Variants in ATAD2B observed in about 807,000 individuals in gnomAD.
The protein encoded by ATAD2B is ATPase family AAA domain-containing protein 2B.
In ATAD2B, 40 loss-of-function variants were observed where a neutral mutation model predicts 167.6. The ratio of observed to expected loss-of-function variants is 0.24; its 90% CI spans 0.19 to 0.31. The LOEUF is 0.31. ATAD2B is among the 10% of genes least tolerant of loss of function. The pLI, the probability that ATAD2B is intolerant of heterozygous loss-of-function variation, is 1.00. For synonymous variants in ATAD2B, 579 were observed against 596.5 expected, an observed-to-expected ratio of 0.97 and a Z score of 0.43; for missense variants, 1,242 against 1,757.2, an observed-to-expected ratio of 0.71 and a Z score of 5.24.
chr2:23,860,489 A>T (rs1280513260), intron 12 of ATAD2B, among the ~76,000 whole-genome samples: 1 of 152,184 alleles, frequency 6.6e-6, no homozygotes, highest in Non-Finnish European at 1.5e-5. Flanking sequence ...TTTAAGATGA[A>T]TGAATATTAG....
chr2:23,833,810 T>G, intron 14 of ATAD2B, 109 bp downstream of exon 14: 1 of 892,640 alleles, frequency 1.1e-6, no homozygotes, highest in South Asian at 2.2e-5. Flanking sequence ...AAGATATCCT[T>G]AAGCAGAAAA....
intron 17 of ATAD2B, among the ~76,000 whole-genome samples, chr2:23,810,995 G>C (rs919876971): frequency 2.7e-5 from 4 of 150,776 alleles, no homozygotes; most frequent in Non-Finnish European, 4.4e-5. Flanking sequence ...TGGGCAACAA[G>C]AGCAAAACTC....
At chr2:23,691,719 C>T in the ATAD2B span, 13 of 1,551,670 alleles carry the variant, frequency 8.4e-6, no homozygotes, top group Middle Eastern at 3.3e-4. Flanking sequence ...AGCTGGAGCT[C>T]GTCCTGTCGA....
chr2:23,833,616 A>C (rs1436580241), intron 14 of ATAD2B, among the ~76,000 whole-genome samples: 4 of 152,206 alleles, frequency 2.6e-5, no homozygotes, highest in Non-Finnish European at 5.9e-5. Context: ...TACTTTGGCT[A>C]ACTAGGGACA....
chr2:23,711,795 A>C, the ATAD2B span, among the ~76,000 whole-genome samples: 7 of 152,346 alleles, frequency 4.6e-5, no homozygotes, highest in African/African-American at 1.7e-4. Context: ...CAAATAAAAA[A>C]TATGCTGCCA....
chr2:23,826,709 T>C (rs1217204903), intron 15 of ATAD2B, among the ~76,000 whole-genome samples: 1 of 152,192 alleles, frequency 6.6e-6, no homozygotes. Context: ...ACTCTTTCAT[T>C]GTTTTAGCCC....
chr2:23,884,698 C>T (rs529083631), intron 6 of ATAD2B, 67 bp downstream of exon 6: 7 of 831,326 alleles, frequency 8.4e-6, no homozygotes, highest in African/African-American at 3.5e-5. Flanking sequence ...ACATATATTA[C>T]TTGTATATTT....
chr2:23,694,093 A>G, the ATAD2B span, among the ~76,000 whole-genome samples: 2 of 151,910 alleles, frequency 1.3e-5, no homozygotes, highest in Non-Finnish European at 2.9e-5. Context: ...AGTCCCTATG[A>G]CTCCCAGATC....
At chr2:23,696,497 G>A in the ATAD2B span, 19 of 1,531,478 alleles carry the variant, frequency 1.2e-5, no homozygotes, top group African/African-American at 2.7e-5. This position sits in a 1 kb window ranked among gnomAD's most constrained non-coding sequence, Gnocchi z 5.5. Context: ...GGCAGGCAAC[G>A]TGGACCACGT....
chr2:23,806,061 T>C (rs1684344749), intron 18 of ATAD2B: 1 of 152,202 alleles, frequency 6.6e-6, no homozygotes, highest in South Asian at 2.1e-4. Context: ...CTTTTTGCCA[T>C]GTGCAATTTA....
the ATAD2B span, chr2:23,696,051 G>A: frequency 1.9e-6 from 3 of 1,551,800 alleles, no homozygotes; most frequent in Non-Finnish European, 1.7e-6. This position sits in a 1 kb window ranked among gnomAD's most constrained non-coding sequence, Gnocchi z 5.5. Flanking sequence ...AGAACAACAA[G>A]TGGTACCCCT....
the ATAD2B span, among the ~76,000 whole-genome samples, chr2:23,686,865 C>G: frequency 6.6e-6 from 1 of 152,150 alleles, no homozygotes; most frequent in African/African-American, 2.4e-5. Context: ...GCCCAGGGTG[C>G]CCTGTGGCTG....
At chr2:23,845,347 G>A (rs1416661602) in intron 13 of ATAD2B, among the ~76,000 whole-genome samples, 1 of 151,986 alleles carries the variant, frequency 6.6e-6, no homozygotes, top group East Asian at 1.9e-4. Flanking sequence ...CATACAATAA[G>A]AATACTGTTC....
At chr2:23,840,445 C>T (rs1482295881) in intron 13 of ATAD2B, among the ~76,000 whole-genome samples, 2 of 152,072 alleles carry the variant, frequency 1.3e-5, no homozygotes, top group African/African-American at 2.4e-5. Flanking sequence ...TTGATTTCTA[C>T]TATATCTTTG....
chr2:23,775,534 A>G (rs897591723), intron 22 of ATAD2B, among the ~76,000 whole-genome samples: 3 of 152,180 alleles, frequency 2.0e-5, no homozygotes, highest in African/African-American at 4.8e-5. Context: ...TTTTAAAACG[A>G]TATGTGATTT....
At chr2:23,693,746 C>T in the ATAD2B span, among the ~76,000 whole-genome samples, 2 of 152,220 alleles carry the variant, frequency 1.3e-5, no homozygotes, top group African/African-American at 2.4e-5. Flanking sequence ...GGCCAAGAGC[C>T]GCAGCACCTG....
chr2:23,876,745 T>A (rs1256902440), intron 7 of ATAD2B, among the ~76,000 whole-genome samples: 1 of 152,110 alleles, frequency 6.6e-6, no homozygotes, highest in South Asian at 2.1e-4. Context: ...TCTTTGAGAC[T>A]ATGAGATTTC....
intron 22 of ATAD2B, among the ~76,000 whole-genome samples, chr2:23,777,456 G>A (rs1679335008): frequency 6.6e-6 from 1 of 151,982 alleles, no homozygotes; most frequent in Non-Finnish European, 1.5e-5. Flanking sequence ...TCAGTAATTA[G>A]CAGATAGTAC....
downstream of ATAD2B, among the ~76,000 whole-genome samples, chr2:23,743,690 G>A (rs951821955): frequency 3.3e-5 from 5 of 151,952 alleles, no homozygotes; most frequent in Non-Finnish European, 7.4e-5. Flanking sequence ...CAGGTGCTGC[G>A]ATCTTGGGTC....
Sources: gnomAD v4.1 joint callset for allele counts (sites outside exome capture counted in the v4.1 genomes callset) on GRCh38, gnomAD v4.1.1 for gene constraint, Gnocchi (gnomAD v3.1) non-coding constraint, MANE v1.5 for transcripts, NCBI Gene and HGNC (gene_info 2026-07-23, HGNC 2026-07-21) for gene names.